Variants in LHX4 observed in about 807,000 individuals in gnomAD.
LHX4 encodes the protein LIM homeobox 4, also known as LIM/homeobox protein Lhx4.
LHX4 carries 16 observed loss-of-function variants against 39.2 expected under a neutral mutation model. That is an observed-to-expected ratio of 0.41 (90% confidence interval 0.28 to 0.62). LHX4 has a LOEUF of 0.62. LHX4 is among the 20% of genes least tolerant of loss of function. The pLI is 0.33. For synonymous variants in LHX4, 206 were observed against 198.1 expected (o/e 1.04, Z -0.33); for missense variants, 439 against 511.9 (o/e 0.86, Z 1.37).
chr1:180,270,709 A>G (rs1410162588), intron 3 of LHX4: 1 of 158,044 alleles, frequency 6.3e-6, no homozygotes, highest in East Asian at 1.9e-4. Context: ...CAGTACACAT[A>G]TTTATACAAT....
At position 180,234,878 on chromosome 1, in the gene LHX4, T is replaced by C. The variant is rs1047791587; in HGVS notation, c.76+4273T>C. 6.6e-6 allele frequency among the ~76,000 whole-genome samples: 1 copy of C among 152,212 alleles called. No homozygotes were observed. Among genetic ancestry groups the C allele is most frequent in the African/African-American group, 2.4e-5 (1 of 41,462 alleles). On this transcript the variant is annotated intron_variant, in intron 1 of 5. Coordinates refer to ENST00000263726, the MANE Select transcript of LHX4 (RefSeq NM_033343.4). The surrounding 1 kb of genome is among the most constrained non-coding windows in gnomAD (Gnocchi z 4.8). ...GGGAGCGCGACCCACATGACCTCGC[T>C]ACGACCGGGGCAGGGCTCCTCCGCC...
chr1:180,265,308 A>G (rs981673612), intron 2 of LHX4, among the ~76,000 whole-genome samples: 2 of 152,164 alleles, frequency 1.3e-5, no homozygotes, highest in East Asian at 3.8e-4. Flanking sequence ...TGCTGTTTTA[A>G]ACTCTGCCCT....
chr1:180,233,276 G>T (rs568604708), intron 1 of LHX4, among the ~76,000 whole-genome samples: 17 of 152,196 alleles, frequency 1.1e-4, no homozygotes, highest in African/African-American at 2.7e-4. Flanking sequence ...TCCCGCCCCC[G>T]CAGGCTCCCG....
rs190659568 is a variant in LHX4, at chr1:180,233,455, C to T, written c.76+2850C>T. Among the ~76,000 whole-genome samples the T allele has an allele frequency of 5.8e-3, 884 of 152,324 alleles. 10 individuals carry two copies. The highest frequency in any genetic ancestry group is 0.02 in the African/African-American group (841 of 41,574). ...TCCGGGCTGTAGGGACGTCGAGATC[C>T]GAATCCTCACAGCGCCTGACCCGGG... On this transcript the variant is annotated intron_variant, in intron 1 of 5. Transcript: ENST00000263726.
intron 1 of LHX4, among the ~76,000 whole-genome samples, chr1:180,237,082 C>T (rs545535708): frequency 5.3e-5 from 8 of 152,304 alleles, no homozygotes; most frequent in African/African-American, 1.9e-4. Context: ...TTGAATTTCT[C>T]TTTCTTCCTC....
intron 2 of LHX4, among the ~76,000 whole-genome samples, chr1:180,256,381 A>G (rs918405664): frequency 1.3e-5 from 2 of 152,158 alleles, no homozygotes; most frequent in Non-Finnish European, 2.9e-5. Context: ...TGGTCCCCGG[A>G]GGCCTTCGTG....
In LHX4 at chr1:180,266,602, G is replaced by C. The variant is rs1558220685; in HGVS notation, c.451+8G>C. On this transcript the variant is annotated splice_region_variant and intron_variant, in intron 3 of 5. Transcript: ENST00000263726. This position sits in a 1 kb window ranked among gnomAD's most constrained non-coding sequence, Gnocchi z 5.7. ...AGACAGCCAAGCAGAACGGTAAGCA[G>C]CATGGCCCCGCATGGTCCCCTCTCC... 2 of 1,612,874 alleles carry C rather than the reference G, an allele frequency of 1.2e-6. No individual in the cohort carries two copies. Among genetic ancestry groups the C allele is most frequent in the Non-Finnish European group, 1.7e-6 (2 of 1,179,258 alleles).
At chr1:180,255,885 G>A (rs1054991063) in intron 2 of LHX4, among the ~76,000 whole-genome samples, 1 of 152,248 alleles carries the variant, frequency 6.6e-6, no homozygotes, top group East Asian at 1.9e-4. Context: ...CTGCAAATTA[G>A]TCTGGGGATC....
chr1:180,233,405 C>T (rs916521289), intron 1 of LHX4, among the ~76,000 whole-genome samples: 3 of 152,176 alleles, frequency 2.0e-5, no homozygotes, highest in African/African-American at 7.2e-5. Flanking sequence ...CGGCCCGCAC[C>T]GACAGCTCGT....
chr1:180,269,772 C>G (rs985442229), intron 3 of LHX4: 1 of 152,222 alleles, frequency 6.6e-6, no homozygotes, highest in African/African-American at 2.4e-5. Context: ...TAAATATGCA[C>G]AGAAGGGACA....
chr1:180,259,699 C>T (rs768713551), intron 2 of LHX4, among the ~76,000 whole-genome samples: 8 of 151,294 alleles, frequency 5.3e-5, no homozygotes, highest in African/African-American at 1.2e-4. Context: ...GTGGGGCAGG[C>T]GCAGGGCGGA....
At chr1:180,240,148 T>G (rs1664414388) in intron 1 of LHX4, among the ~76,000 whole-genome samples, 1 of 152,126 alleles carries the variant, frequency 6.6e-6, no homozygotes, top group African/African-American at 2.4e-5. Context: ...AGTACAAACT[T>G]TACAAAATAT....
At position 180,266,332 on chromosome 1, in the gene LHX4, T is replaced by A; in HGVS notation, c.249-60T>A. The stretch of plus-strand genomic sequence containing the variant: ...TAGGAGGGAGGCTGCTCCAGGAAGT[T>A]GGGGGAAGCCAGATCCCTTGCTCCC... On this transcript the variant is annotated intron_variant, in intron 2 of 5. Transcript: ENST00000263726. The surrounding 1 kb of genome is among the most constrained non-coding windows in gnomAD (Gnocchi z 5.7). 4 of 1,563,028 alleles carry A rather than the reference T, an allele frequency of 2.6e-6. No homozygotes were observed. In the South Asian group the frequency reaches 4.4e-5, roughly 17 times the overall value.
chr1:180,260,892 G>A (rs752183433), intron 2 of LHX4, among the ~76,000 whole-genome samples: 2 of 151,790 alleles, frequency 1.3e-5, no homozygotes, highest in Non-Finnish European at 2.9e-5. Flanking sequence ...TCTCTCGCTC[G>A]TTGCCCTTGG....
chr1:180,237,599 C>T (rs1200223022), intron 1 of LHX4, among the ~76,000 whole-genome samples: 6 of 152,104 alleles, frequency 3.9e-5, no homozygotes, highest in Non-Finnish European at 1.5e-5. Context: ...GGAGGTGAGT[C>T]CTACCTCCTG....
chr1:180,262,395 T>A (rs1361871024), intron 2 of LHX4, among the ~76,000 whole-genome samples: 1 of 152,042 alleles, frequency 6.6e-6, no homozygotes, highest in African/African-American at 2.4e-5. Flanking sequence ...TCCTTTTCCC[T>A]GTCATGCTCA....
intron 2 of LHX4, among the ~76,000 whole-genome samples, chr1:180,250,677 C>T (rs1040616529): frequency 3.9e-5 from 6 of 152,296 alleles, no homozygotes; most frequent in African/African-American, 4.8e-5. Flanking sequence ...AGGACTTCAT[C>T]GCCAGAGGGC....
intron 1 of LHX4, among the ~76,000 whole-genome samples, chr1:180,239,915 C>A (rs893409146): frequency 2.0e-5 from 3 of 152,166 alleles, no homozygotes; most frequent in African/African-American, 7.2e-5. Context: ...GGATGGCCAC[C>A]TGAGGGGGAA....
upstream of LHX4, among the ~76,000 whole-genome samples, chr1:180,229,961 G>GA (rs1238008078): frequency 0.1 from 4,903 of 46,952 alleles, 535 homozygotes; most frequent in African/African-American, 0.19. Flanking sequence ...GGCGGAGGCG[G>GA]GGAGGGGGGG....
Sources: allele counts gnomAD v4.1 joint callset (sites outside exome capture counted in the v4.1 genomes callset), GRCh38; gene constraint gnomAD v4.1.1; non-coding constraint Gnocchi (gnomAD v3.1); transcripts MANE v1.5; gene names NCBI Gene and HGNC (gene_info 2026-07-23, HGNC 2026-07-21).